CREB1: variants seen among roughly 807,000 people sequenced by gnomAD.
CREB1 encodes cAMP responsive element binding protein 1.
CREB1 carries 2 observed loss-of-function variants against 42.0 expected under a neutral mutation model. The ratio of observed to expected loss-of-function variants is 0.05; its 90% CI spans 0.02 to 0.15. The LOEUF (loss-of-function observed/expected upper bound fraction) is 0.15, where lower values mean the gene tolerates loss of function less well. Among genes scored for constraint, CREB1 ranks in the 10% least tolerant of loss-of-function variants. CREB1 has a pLI of 1.00. For synonymous variants in CREB1, 123 were observed against 139.9 expected, an observed-to-expected ratio of 0.88 and a Z score of 0.85; for missense variants, 199 against 388.9, an observed-to-expected ratio of 0.51 and a Z score of 4.11.
chr2:207,570,612 C>T (rs964501950), intron 5 of CREB1, among the ~76,000 whole-genome samples: 1 of 151,494 alleles, frequency 6.6e-6, no homozygotes, highest in Non-Finnish European at 1.5e-5. Context: ...TAATTGAGAC[C>T]CTAGGTTTGA....
intron 1 of CREB1, among the ~76,000 whole-genome samples, chr2:207,532,325 GAA>G (rs1244936579): frequency 3.4e-5 from 4 of 117,260 alleles, no homozygotes; most frequent in African/African-American, 3.2e-5. Context: ...CCGTCTCAAA[GAA>G]AAAAAAAAAA....
chr2:207,594,921 C>A (rs943343779), intron 7 of CREB1, among the ~76,000 whole-genome samples: 5 of 151,510 alleles, frequency 3.3e-5, no homozygotes, highest in African/African-American at 1.2e-4. Context: ...TAGTAGCCAT[C>A]CTAATGGTTG....
intron 5 of CREB1, among the ~76,000 whole-genome samples, chr2:207,573,764 A>C (rs549368421): frequency 1.1e-4 from 16 of 152,202 alleles, no homozygotes; most frequent in Non-Finnish European, 2.1e-4. Context: ...AAAACTGTTC[A>C]GTGATGGAAC....
Position 207,605,022 on chromosome 2 carries a change from G to A in CREB1, c.*7964G>A, listed in dbSNP as rs181529395. 6.6e-6 allele frequency among the ~76,000 whole-genome samples: 1 copy of A among 152,230 alleles called. No individual in the cohort carries two copies. The highest frequency in any genetic ancestry group is 1.9e-4 in the East Asian group (1 of 5,190). ...CTACTGTTTGGCTAATGTTCATAGT[G>A]CTGTTATGAATGTTCGTGTACAAGT... On this transcript the variant is annotated 3_prime_UTR_variant, in exon 8 of 8. Coordinates refer to ENST00000353267, the MANE Select transcript of CREB1 (RefSeq NM_004379.5).
intron 7 of CREB1, among the ~76,000 whole-genome samples, chr2:207,591,902 T>C (rs1209510122): frequency 6.6e-6 from 1 of 152,186 alleles, no homozygotes; most frequent in Non-Finnish European, 1.5e-5. Flanking sequence ...ATGGCACAAG[T>C]AGAAATTTTT....
At chr2:207,551,314 CCCTTTACTAT>C (rs1292207409) in intron 1 of CREB1, among the ~76,000 whole-genome samples, 2 of 152,120 alleles carry the variant, frequency 1.3e-5, no homozygotes, top group Admixed American at 1.3e-4. Context: ...AGTGTTACAG[CCCTTTACTAT>C]TGGGAAATCT....
At chr2:207,561,091 C>G (rs773132811) in intron 3 of CREB1, 2 of 1,609,732 alleles carry the variant, frequency 1.2e-6, no homozygotes, top group Non-Finnish European at 1.7e-6. Context: ...TAACCCCAGC[C>G]TCCCATTTCA....
Position 207,597,487 on chromosome 2 carries a change from A to G in CREB1, c.*429A>G, listed in dbSNP as rs759232291. ...ATGTGTGGGCCGCATGCATAAAGTA[A>G]GTAAGGTGCAATGAAGAAGTGTTGA... On this transcript the variant is annotated 3_prime_UTR_variant, in exon 8 of 8. Coordinates refer to ENST00000353267, the MANE Select transcript of CREB1 (RefSeq NM_004379.5). 2.7e-5 allele frequency: 6 copies of G among 223,384 alleles called. No individual in the cohort carries two copies. The highest frequency in any genetic ancestry group is 5.4e-5 in the Non-Finnish European group (6 of 112,096). The allele number at this position is 223,384 out of a possible 1,614,324, so 13.8% of individuals were successfully genotyped here. A position where few individuals can be genotyped will look rare whatever the true frequency, so the allele number is the denominator to read the frequency against.
At chr2:207,587,106 T>A (rs962081185) in intron 7 of CREB1, among the ~76,000 whole-genome samples, 1 of 151,888 alleles carries the variant, frequency 6.6e-6, no homozygotes, top group African/African-American at 2.4e-5. Flanking sequence ...TCAAAAAAAC[T>A]AAAAGGGCCA....
intron 1 of CREB1, among the ~76,000 whole-genome samples, chr2:207,531,738 A>G (rs1319696189): frequency 6.6e-6 from 1 of 152,234 alleles, no homozygotes; most frequent in East Asian, 1.9e-4. Context: ...TCACTGTATG[A>G]TTGCATTGTG....
chr2:207,545,564 C>A (rs1012885109), intron 1 of CREB1, among the ~76,000 whole-genome samples: 2 of 151,598 alleles, frequency 1.3e-5, no homozygotes, highest in Non-Finnish European at 2.9e-5. Context: ...TATGGGACTA[C>A]TACTATGTAG....
intron 7 of CREB1, among the ~76,000 whole-genome samples, chr2:207,588,018 A>G (rs1326982285): frequency 6.6e-6 from 1 of 152,248 alleles, no homozygotes; most frequent in African/African-American, 2.4e-5. Flanking sequence ...TTTGATCATT[A>G]CATACTGTAT....
chr2:207,547,118 A>C (rs1382967861), intron 1 of CREB1, among the ~76,000 whole-genome samples: 1 of 152,190 alleles, frequency 6.6e-6, no homozygotes, highest in African/African-American at 2.4e-5. Context: ...CTCCCATAAC[A>C]TGTGCTGTCT....
intron 7 of CREB1, among the ~76,000 whole-genome samples, chr2:207,594,594 C>T (rs1171307114): frequency 6.6e-6 from 1 of 152,142 alleles, no homozygotes; most frequent in African/African-American, 2.4e-5. Context: ...TATGTATATA[C>T]CACATTTTGC....
intron 2 of CREB1, 95 bp downstream of exon 2, chr2:207,555,844 A>C: frequency 1.4e-6 from 1 of 694,786 alleles, no homozygotes; most frequent in Non-Finnish European, 2.5e-6. Flanking sequence ...TATACATAGA[A>C]TGAGCAGAGA....
Position 207,601,800 on chromosome 2 carries a change from G to A in CREB1, c.*4742G>A. 1 of 218,676 alleles carries A rather than the reference G, an allele frequency of 4.6e-6. No individual in the cohort carries two copies. The highest frequency in any genetic ancestry group is 6.7e-5 in the East Asian group (1 of 14,842). 13.5% of individuals were successfully genotyped at this position (218,676 alleles called of 1,614,324 possible). ...TAAAGTGTGCATAGTAAGGCTGTAGGTGAAGAGTTGTGAGATAAATAGTTC... is the reference window on the plus strand; with the variant it reads ...TAAAGTGTGCATAGTAAGGCTGTAGATGAAGAGTTGTGAGATAAATAGTTC... On this transcript the variant is annotated 3_prime_UTR_variant, in exon 8 of 8. Transcript: ENST00000353267.
rs1408475875 is a variant in CREB1 at position 207,599,416 on chromosome 2, G to A, written c.*2358G>A. On this transcript the variant is annotated 3_prime_UTR_variant, in exon 8 of 8. Coordinates refer to ENST00000353267, the MANE Select transcript of CREB1 (RefSeq NM_004379.5). The stretch of plus-strand genomic sequence containing the variant: ...TGTTTAGCAGTTTGTATTCTCTAAA[G>A]CTTTTTTTCAAAAGTTCAGGCTTTC... 1 of 201,980 alleles carries A rather than the reference G, an allele frequency of 5.0e-6. No individual in the cohort carries two copies. The highest frequency in any genetic ancestry group is 1.0e-5 in the Non-Finnish European group (1 of 98,282). The allele number at this position is 201,980 out of a possible 1,614,324, so 12.5% of individuals were successfully genotyped here.
rs1383966109 is a variant in CREB1 at position 207,603,916 on chromosome 2, A to G, written c.*6858A>G. On this transcript the variant is annotated 3_prime_UTR_variant, in exon 8 of 8. Coordinates refer to ENST00000353267, the MANE Select transcript of CREB1 (RefSeq NM_004379.5). ...GTTCTGAGACGAGACATCTGAAAAT[A>G]AGCAGCTGCATTATTTGTATGTTTC... Among the ~76,000 whole-genome samples, 1 of 152,208 alleles carries G rather than the reference A, an allele frequency of 6.6e-6. No homozygotes were observed. The highest frequency in any genetic ancestry group is 1.5e-5 in the Non-Finnish European group (1 of 68,030).
At chr2:207,587,970 T>C in intron 7 of CREB1, among the ~76,000 whole-genome samples, 1 of 152,172 alleles carries the variant, frequency 6.6e-6, no homozygotes, top group East Asian at 1.9e-4. Context: ...CCCAACAAAA[T>C]GATAAGTTTG....
Sources: allele counts gnomAD v4.1 joint callset (sites outside exome capture counted in the v4.1 genomes callset), GRCh38; gene constraint gnomAD v4.1.1; transcripts MANE v1.5; gene names NCBI Gene and HGNC (gene_info 2026-07-23, HGNC 2026-07-21).